Variants in SHISAL1 observed in about 807,000 individuals in gnomAD.
The protein encoded by SHISAL1 is shisa like 1.
Under a neutral mutation model 22.6 loss-of-function variants are expected in SHISAL1, and 9 were observed. The observed-to-expected ratio is 0.40, with a 90% CI of 0.24 to 0.70. The LOEUF is 0.70. SHISAL1 is among the 30% of genes least tolerant of loss of function. The pLI, the probability that SHISAL1 is intolerant of heterozygous loss-of-function variation, is 0.39. For missense variants in SHISAL1, 246 were observed against 270.6 expected (o/e 0.91, Z 0.64); for synonymous variants, 119 against 115.4 (o/e 1.03, Z -0.20).
chr22:44,287,220 A>G (rs951966606), intron 3 of SHISAL1, among the ~76,000 whole-genome samples: 11 of 152,230 alleles, frequency 7.2e-5, no homozygotes, highest in Middle Eastern at 3.2e-3. Context: ...TCCAGGCTCC[A>G]GATCTTCCCA....
chr22:44,293,627 G>C (rs926977343), intron 3 of SHISAL1, among the ~76,000 whole-genome samples: 1 of 152,128 alleles, frequency 6.6e-6, no homozygotes, highest in Non-Finnish European at 1.5e-5. Flanking sequence ...AGCCCATCTG[G>C]GTTGGCTGCT....
intron 3 of SHISAL1, among the ~76,000 whole-genome samples, chr22:44,291,691 C>T (rs73165813): frequency 0.026 from 3,882 of 152,056 alleles, 73 homozygotes; most frequent in Non-Finnish European, 0.039. Context: ...CCACCCCCTG[C>T]AGCCCATCTG....
intron 1 of SHISAL1, among the ~76,000 whole-genome samples, chr22:44,307,504 A>G (rs1021041502): frequency 4.6e-5 from 7 of 152,136 alleles, no homozygotes; most frequent in African/African-American, 1.4e-4. Context: ...GATTAAATTT[A>G]TCCTCCCGGG....
chr22:44,249,489 C>CA lies in SHISAL1; in HGVS notation c.*195dup, dbSNP rs2055031117. ...CTCAGAATCCCCTCCCCTGCACCCC[C>CA]AGCCCCTACCCCTGAGTTTGCTCCT... On this transcript the variant is annotated 3_prime_UTR_variant, in exon 5 of 5. Coordinates refer to ENST00000381176, the MANE Select transcript of SHISAL1 (RefSeq NM_001099294.2). 1 of 525,066 alleles carries CA rather than the reference C, an allele frequency of 1.9e-6. No homozygotes were observed. Among genetic ancestry groups the CA allele is most frequent in the South Asian group, 2.4e-5 (1 of 42,432 alleles). 32.5% of individuals were successfully genotyped at this position (525,066 alleles called of 1,614,324 possible). A position where few individuals can be genotyped will look rare whatever the true frequency, so the allele number is the denominator to read the frequency against.
intron 2 of SHISAL1, among the ~76,000 whole-genome samples, chr22:44,297,462 CCT>C (rs2055395300): frequency 2.6e-5 from 4 of 152,276 alleles, no homozygotes; most frequent in Admixed American, 2.6e-4. Flanking sequence ...GGTGCAAGGA[CCT>C]CTTGGGTACC....
chr22:44,292,192 C>A (rs929963203), intron 3 of SHISAL1, among the ~76,000 whole-genome samples: 1 of 152,286 alleles, frequency 6.6e-6, no homozygotes, highest in Non-Finnish European at 1.5e-5. Flanking sequence ...TGTGGCGGGG[C>A]GGGGGTCGGG....
chr22:44,301,417 C>G (rs535559679), intron 1 of SHISAL1, among the ~76,000 whole-genome samples: 1 of 152,296 alleles, frequency 6.6e-6, no homozygotes, highest in South Asian at 2.1e-4. Context: ...TGCACGGAGC[C>G]AGGCAGCTTC....
intron 3 of SHISAL1, among the ~76,000 whole-genome samples, chr22:44,287,383 C>T (rs1210117933): frequency 6.6e-6 from 1 of 152,246 alleles, no homozygotes; most frequent in Non-Finnish European, 1.5e-5. Flanking sequence ...TCTCACTTGG[C>T]CAAGTTCTTG....
rs2054976714 is a variant in SHISAL1 at position 44,243,948 on chromosome 22, G to GACGAC, written c.*5732_*5736dup. 6.6e-6 allele frequency: 1 copy of GACGAC among 152,214 alleles called. No individual in the cohort carries two copies. The highest frequency in any genetic ancestry group is 2.4e-5 in the African/African-American group (1 of 41,428). 9.4% of individuals were successfully genotyped at this position (152,214 alleles called of 1,614,324 possible). A position where few individuals can be genotyped will look rare whatever the true frequency, so the allele number is the denominator to read the frequency against. On this transcript the variant is annotated 3_prime_UTR_variant, in exon 5 of 5. Transcript: ENST00000381176. ...ATGCCCTTGTCCAGCTGGCCCTGGG[G>GACGAC]ACGACACATCAGCCTTTTGTGGGAG...
At chr22:44,287,626 C>T (rs997448396) in intron 3 of SHISAL1, among the ~76,000 whole-genome samples, 3 of 152,114 alleles carry the variant, frequency 2.0e-5, no homozygotes, top group Non-Finnish European at 4.4e-5. Flanking sequence ...AAATGACTGA[C>T]AGCCAGGCCC....
chr22:44,289,440 C>T (rs938285989), intron 3 of SHISAL1, among the ~76,000 whole-genome samples: 16 of 150,780 alleles, frequency 1.1e-4, no homozygotes, highest in Admixed American at 9.9e-4. Context: ...CCTTGGGGCA[C>T]CGTGCAGATC....
intron 3 of SHISAL1, among the ~76,000 whole-genome samples, chr22:44,295,696 A>G (rs1036952565): frequency 6.6e-6 from 1 of 152,218 alleles, no homozygotes; most frequent in African/African-American, 2.4e-5. Context: ...ATAAGTAAAT[A>G]AGAAAAAAAC....
chr22:44,317,790 C>T (rs1156730681), upstream of SHISAL1, among the ~76,000 whole-genome samples: 1 of 152,262 alleles, frequency 6.6e-6, no homozygotes, highest in East Asian at 1.9e-4. Flanking sequence ...TCCGTCCTCC[C>T]CCGCAGCATA....
At position 44,245,061 on chromosome 22, in the gene SHISAL1, T is replaced by G. The variant is rs970612883; in HGVS notation, c.*4624A>C. On this transcript the variant is annotated 3_prime_UTR_variant, in exon 5 of 5. Coordinates refer to ENST00000381176, the MANE Select transcript of SHISAL1 (RefSeq NM_001099294.2). ...GGTATTCCTGGACTGCAAAGGGCAGTGATCAGGGCGTCATCCACTCATGGC... is the reference window on the plus strand; with the variant it reads ...GGTATTCCTGGACTGCAAAGGGCAGGGATCAGGGCGTCATCCACTCATGGC... 1 of 152,262 alleles carries G rather than the reference T, an allele frequency of 6.6e-6. No homozygotes were observed. The allele number at this position is 152,262 out of a possible 1,614,324, so 9.4% of individuals were successfully genotyped here. A position where few individuals can be genotyped will look rare whatever the true frequency, so the allele number is the denominator to read the frequency against.
chr22:44,311,768 G>T (rs1461774277), intron 1 of SHISAL1, among the ~76,000 whole-genome samples: 1 of 152,246 alleles, frequency 6.6e-6, no homozygotes, highest in Non-Finnish European at 1.5e-5. Flanking sequence ...AGGGCGAGGG[G>T]CTCAGGCCAG....
intron 3 of SHISAL1, among the ~76,000 whole-genome samples, chr22:44,290,529 C>CAAAAAAAGAAA (rs1555928948): frequency 3.6e-5 from 3 of 84,292 alleles, no homozygotes; most frequent in Non-Finnish European, 7.2e-5. Context: ...AACTCAGTCT[C>CAAAAAAAGAAA]AAAAAAAAAA....
chr22:44,266,796 C>T (rs907692031), intron 4 of SHISAL1, among the ~76,000 whole-genome samples: 16 of 152,100 alleles, frequency 1.1e-4, no homozygotes, highest in Admixed American at 3.3e-4. Flanking sequence ...CTCAGCTCCA[C>T]GCCCGTCAGC....
In SHISAL1 at chr22:44,244,104, G is replaced by A. The variant is rs988983721; in HGVS notation, c.*5581C>T. The A allele has an allele frequency of 1.2e-4, 19 of 152,184 alleles. No homozygotes were observed. Among genetic ancestry groups the A allele is most frequent in the African/African-American group, 3.9e-4 (16 of 41,434 alleles). 9.4% of individuals were successfully genotyped at this position (152,184 alleles called of 1,614,324 possible). A position where few individuals can be genotyped will look rare whatever the true frequency, so the allele number is the denominator to read the frequency against. On this transcript the variant is annotated 3_prime_UTR_variant, in exon 5 of 5. Coordinates refer to ENST00000381176, the MANE Select transcript of SHISAL1 (RefSeq NM_001099294.2). ...TGCCACTAGCTTTAAAACGGGAAAT[G>A]GGAAAAATAGGAAGAAACTGCGTAT...
At chr22:44,301,966 T>C (rs1427357960) in intron 1 of SHISAL1, among the ~76,000 whole-genome samples, 1 of 152,020 alleles carries the variant, frequency 6.6e-6, no homozygotes, top group African/African-American at 2.4e-5. Flanking sequence ...TTTGGGAAGA[T>C]GAAAAAGTTC....
Sources: gnomAD v4.1 joint callset for allele counts (sites outside exome capture counted in the v4.1 genomes callset) on GRCh38, gnomAD v4.1.1 for gene constraint, MANE v1.5 for transcripts, NCBI Gene and HGNC (gene_info 2026-07-23, HGNC 2026-07-21) for gene names.